The following LMBR1 variants were observed in gnomAD, a reference collection of about 807,000 sequenced individuals.
LMBR1 encodes the protein limb region 1 protein homolog.
In LMBR1, 52 loss-of-function variants were observed where a neutral mutation model predicts 73.9. That is an observed-to-expected ratio of 0.70 (90% CI 0.56 to 0.89). The LOEUF (loss-of-function observed/expected upper bound fraction) is 0.89. Ranked by LOEUF, LMBR1 falls within the 40% of genes least tolerant of loss-of-function variation. The probability of loss-of-function intolerance (pLI) is 0.00; values close to 1 mark genes in which losing one functional copy is unlikely to be tolerated. For missense variants in LMBR1, 539 were observed against 579.8 expected, an observed-to-expected ratio of 0.93 and a Z score of 0.72; for synonymous variants, 215 against 209.4, an observed-to-expected ratio of 1.03 and a Z score of -0.23.
intron 1 of LMBR1, among the ~76,000 whole-genome samples, chr7:156,859,260 A>C (rs1389886219): frequency 1.3e-5 from 2 of 152,142 alleles, no homozygotes; most frequent in African/African-American, 4.8e-5. Context: ...AAAAAAAAAA[A>C]AAACACTAGA....
chr7:156,850,802 T>A (rs75426340), intron 1 of LMBR1, among the ~76,000 whole-genome samples: 1,685 of 152,340 alleles, frequency 0.011, 21 homozygotes, highest in Middle Eastern at 0.017. Context: ...TTGAAATGGT[T>A]TGGATGTGTG....
chr7:156,789,577 C>T (rs1828828915), intron 5 of LMBR1, among the ~76,000 whole-genome samples: 1 of 152,106 alleles, frequency 6.6e-6, no homozygotes, highest in South Asian at 2.1e-4. Flanking sequence ...ACAAACGTTT[C>T]ATAGATCAAA....
At chr7:156,692,097 T>C (rs147425311) in intron 15 of LMBR1, among the ~76,000 whole-genome samples, 2 of 152,154 alleles carry the variant, frequency 1.3e-5, no homozygotes, top group Admixed American at 6.5e-5. Context: ...TTTTTTGAGA[T>C]GGAGTTTTGC....
chr7:156,734,050 T>A (rs1817383884), intron 10 of LMBR1, 127 bp downstream of exon 10: 1 of 540,082 alleles, frequency 1.9e-6, no homozygotes, highest in South Asian at 3.6e-5. Context: ...TCTTTATTAA[T>A]GATTTTGGGC....
At chr7:156,760,474 A>G (rs564081060) in intron 8 of LMBR1, among the ~76,000 whole-genome samples, 21 of 152,356 alleles carry the variant, frequency 1.4e-4, no homozygotes, top group African/African-American at 5.1e-4. Context: ...GGAGCAGAGC[A>G]TTAATAGAAA....
chr7:156,754,218 G>A (rs67765968), intron 9 of LMBR1, among the ~76,000 whole-genome samples: 20,827 of 152,080 alleles, frequency 0.14, 1,497 homozygotes, highest in East Asian at 0.19. Context: ...ATAGCTTTAT[G>A]CCTACAGCAC....
At chr7:156,843,813 G>C (rs1418469605) in intron 1 of LMBR1, among the ~76,000 whole-genome samples, 1 of 145,822 alleles carries the variant, frequency 6.9e-6, no homozygotes, top group Non-Finnish European at 1.5e-5. Flanking sequence ...TCCAGCCTGG[G>C]CAACAGAGCA....
intron 1 of LMBR1, among the ~76,000 whole-genome samples, chr7:156,882,512 T>G (rs1308587072): frequency 6.7e-6 from 1 of 150,166 alleles, no homozygotes; most frequent in Non-Finnish European, 1.5e-5. Context: ...AAAAAGAGAG[T>G]CACAAGAAGA....
At position 156,849,934 on chromosome 7, in the gene LMBR1, G is replaced by A. The variant is rs570262957; in HGVS notation, c.67-13049C>T. Among the ~76,000 whole-genome samples the A allele has an allele frequency of 1.3e-3, 202 of 152,078 alleles. 1 individual carries two copies. Among genetic ancestry groups the A allele is most frequent in the African/African-American group, 4.1e-3 (168 of 41,458 alleles). On this transcript the variant is annotated intron_variant, in intron 1 of 16. Transcript: ENST00000353442. ...AAGGCTATGCATGTGTGGAGCCAAG[G>A]GATATATGGAAAAATCTCATTACCT...
chr7:156,673,944 C>T (rs1803202913), downstream of LMBR1, among the ~76,000 whole-genome samples: 2 of 151,932 alleles, frequency 1.3e-5, no homozygotes, highest in Admixed American at 6.6e-5. Context: ...CGTGAGGACT[C>T]CAGTAGACTA....
intron 16 of LMBR1, 93 bp from the exon 17 acceptor site, chr7:156,684,256 A>G: frequency 1.0e-6 from 1 of 996,420 alleles, no homozygotes; most frequent in Non-Finnish European, 1.6e-6. Flanking sequence ...TTACAAAGCT[A>G]AGTGTTATTT....
intron 1 of LMBR1, among the ~76,000 whole-genome samples, chr7:156,848,660 G>C (rs1795831145): frequency 6.6e-6 from 1 of 152,120 alleles, no homozygotes; most frequent in African/African-American, 2.4e-5. Context: ...GGCTGGGCAT[G>C]GTGACTCACC....
Position 156,682,120 on chromosome 7 carries a change from T to C in LMBR1, c.*1958A>G, listed in dbSNP as rs944514243. On this transcript the variant is annotated 3_prime_UTR_variant, in exon 17 of 17. Transcript: ENST00000353442. The stretch of plus-strand genomic sequence containing the variant: ...CAGCAGTGAGGATGCCTCCAGGAAG[T>C]GTATTGTACTCAGGGCTTACAAATC... 1.5e-4 allele frequency: 23 copies of C among 152,268 alleles called. No homozygotes were observed. Among genetic ancestry groups the C allele is most frequent in the Non-Finnish European group, 2.9e-5 (2 of 68,060 alleles). The allele number at this position is 152,268 out of a possible 1,614,324, so 9.4% of individuals were successfully genotyped here. A position where few individuals can be genotyped will look rare whatever the true frequency, so the allele number is the denominator to read the frequency against.
chr7:156,791,366 C>T (rs897045737), intron 5 of LMBR1, among the ~76,000 whole-genome samples: 4 of 152,132 alleles, frequency 2.6e-5, no homozygotes, highest in African/African-American at 9.7e-5. Flanking sequence ...GCAATGAAAG[C>T]TCGTGGAGAC....
intron 4 of LMBR1, among the ~76,000 whole-genome samples, chr7:156,810,589 C>T (rs1206063007): frequency 6.6e-6 from 1 of 151,366 alleles, no homozygotes; most frequent in Non-Finnish European, 1.5e-5. Flanking sequence ...AATGGTGTTT[C>T]ATCATGTTGG....
At chr7:156,831,680 T>G (rs1365636808) in intron 3 of LMBR1, among the ~76,000 whole-genome samples, 1 of 152,150 alleles carries the variant, frequency 6.6e-6, no homozygotes, top group African/African-American at 2.4e-5. Context: ...GCACGTGCTG[T>G]GCCAGCTGCC....
At chr7:156,838,279 AT>A (rs1157269972) in intron 1 of LMBR1, among the ~76,000 whole-genome samples, 1 of 152,106 alleles carries the variant, frequency 6.6e-6, no homozygotes. Context: ...ATACATTGTT[AT>A]TTATTATAGT....
intron 9 of LMBR1, among the ~76,000 whole-genome samples, chr7:156,748,929 C>T (rs983381802): frequency 2.6e-5 from 4 of 152,172 alleles, no homozygotes; most frequent in Admixed American, 2.6e-4. Context: ...CTGGCAGTCA[C>T]CTCATTTCAT....
chr7:156,681,091 A>AG lies in LMBR1; in HGVS notation c.*2986_*2987insC, dbSNP rs1309822781. 4.8e-6 allele frequency: 2 copies of AG among 419,398 alleles called. No individual in the cohort carries two copies. Among genetic ancestry groups the AG allele is most frequent in the Admixed American group, 6.5e-5 (2 of 30,596 alleles). 26.0% of individuals were successfully genotyped at this position (419,398 alleles called of 1,614,324 possible). A position where few individuals can be genotyped will look rare whatever the true frequency, so the allele number is the denominator to read the frequency against. On this transcript the variant is annotated 3_prime_UTR_variant, in exon 17 of 17. Coordinates refer to ENST00000353442, the MANE Select transcript of LMBR1 (RefSeq NM_022458.4). The stretch of plus-strand genomic sequence containing the variant: ...GCTGCATCTATGTTCACATTAAAAA[A>AG]AAAAACTTGTAAGAATTCTGCCTTT...
Sources: gnomAD v4.1 joint callset for allele counts (sites outside exome capture counted in the v4.1 genomes callset) on GRCh38, gnomAD v4.1.1 for gene constraint, MANE v1.5 for transcripts, NCBI Gene and HGNC (gene_info 2026-07-23, HGNC 2026-07-21) for gene names.